ST6GALNAC2: variants seen among roughly 807,000 people sequenced by gnomAD.
The protein encoded by ST6GALNAC2 is ST6 N-acetylgalactosaminide alpha-2,6-sialyltransferase 2, also known as alpha-N-acetylgalactosaminide alpha-2,6-sialyltransferase 2.
A neutral mutation model predicts 38.7 loss-of-function variants in ST6GALNAC2; 42 were observed. The ratio of observed to expected loss-of-function variants is 1.09; its 90% CI spans 0.85 to 1.40. The LOEUF is 1.40. ST6GALNAC2 is among the 40% of genes most tolerant of loss of function. ST6GALNAC2 has a pLI of 0.00. For synonymous variants in ST6GALNAC2, 233 were observed against 209.0 expected, an observed-to-expected ratio of 1.11 and a Z score of -0.99; for missense variants, 506 against 481.7, an observed-to-expected ratio of 1.05 and a Z score of -0.47.
At chr17:76,578,161 C>T (rs4258648) in intron 2 of ST6GALNAC2, among the ~76,000 whole-genome samples, 107,202 of 151,984 alleles carry the variant, frequency 0.71, 39,191 homozygotes, top group East Asian at 0.84. Flanking sequence ...AGCCAGGTTC[C>T]AGACAAGAGG....
chr17:76,583,375 C>CAACAAAAAAAA (rs2075502661), intron 1 of ST6GALNAC2, among the ~76,000 whole-genome samples: 2 of 97,528 alleles, frequency 2.1e-5, no homozygotes, highest in Admixed American at 2.5e-4. Flanking sequence ...GACTCTGTCC[C>CAACAAAAAAAA]AAAAAAAAAA....
chr17:76,568,423 G>GACGGCGCCACTGCTGC, intron 7 of ST6GALNAC2: 4 of 472,836 alleles, frequency 8.5e-6, no homozygotes, highest in Admixed American at 3.5e-5. Context: ...CACTGCTGCT[G>GACGGCGCCACTGCTGC]TGCACCTTAT....
At chr17:76,574,277 T>C (rs1249091736) in intron 3 of ST6GALNAC2, 88 bp downstream of exon 3, 16 of 1,469,656 alleles carry the variant, frequency 1.1e-5, no homozygotes. Flanking sequence ...TCACCAGTGC[T>C]ATGAGGGCAG....
At position 76,572,708 on chromosome 17, in the gene ST6GALNAC2, T is replaced by A; in HGVS notation, c.598A>T (p.Thr200Ser). 6.2e-7 allele frequency: 1 copy of A among 1,614,138 alleles called. No individual in the cohort carries two copies. Among genetic ancestry groups the A allele is most frequent in the Admixed American group, 1.7e-5 (1 of 60,018 alleles). ...VGTKTSFYGF[T>S]VNTMKNSLVS... ...AGGGAGTTCTTCATCGTGTTCACAG[T>A]GAAACCATAGAAGGAAGTCTTGGTG... Residue 200 changes from threonine to serine, a missense_variant, in exon 5 of 9, where the codon ACT (threonine) becomes TCT (serine). By Grantham distance (58) the Thr-to-Ser change is moderately conservative. Coordinates refer to ENST00000225276, the MANE Select transcript of ST6GALNAC2 (RefSeq NM_006456.3).
rs2075538371 is a variant in ST6GALNAC2 at position 76,585,771 on chromosome 17, A to C, written c.38T>G (p.Leu13Arg). ...CCCCGAGCAGGCAGCCGTGAGCAGGAGCAGCAGCCAGAAGAACGACCCGCG... is the reference window on the plus strand; with the variant it reads ...CCCCGAGCAGGCAGCCGTGAGCAGGCGCAGCAGCCAGAAGAACGACCCGCG... ...LPRGSFFWLLLLLTAACSGLL... is the reference protein window; with the variant it reads ...LPRGSFFWLLRLLTAACSGLL... Residue 13 changes from leucine to arginine, a missense_variant, in exon 1 of 9, where the codon CTC (leucine) becomes CGC (arginine). Physicochemically the swap from Leu to Arg is moderately radical, Grantham distance 102. Transcript: ENST00000225276. The C allele has an allele frequency of 1.9e-6, 3 of 1,554,958 alleles. No homozygotes were observed. The highest frequency in any genetic ancestry group is 2.6e-6 in the Non-Finnish European group (3 of 1,152,486).
At chr17:76,578,200 C>A (rs1426081929) in intron 2 of ST6GALNAC2, among the ~76,000 whole-genome samples, 1 of 152,136 alleles carries the variant, frequency 6.6e-6, no homozygotes, top group Non-Finnish European at 1.5e-5. Flanking sequence ...CTCTTACTAC[C>A]TAAGCGGGGT....
intron 2 of ST6GALNAC2, among the ~76,000 whole-genome samples, chr17:76,578,523 G>A (rs2075442209): frequency 6.6e-6 from 1 of 152,246 alleles, no homozygotes; most frequent in East Asian, 1.9e-4. Flanking sequence ...CTGTTCAGCT[G>A]GCTACACCCC....
intron 1 of ST6GALNAC2, among the ~76,000 whole-genome samples, chr17:76,584,768 C>A (rs2075523901): frequency 6.6e-6 from 1 of 152,176 alleles, no homozygotes; most frequent in African/African-American, 2.4e-5. Context: ...TGTTTTCATC[C>A]CGTTAGCCCC....
intron 2 of ST6GALNAC2, among the ~76,000 whole-genome samples, chr17:76,575,123 C>T (rs2075401065): frequency 6.6e-6 from 1 of 152,140 alleles, no homozygotes; most frequent in Non-Finnish European, 1.5e-5. Context: ...CTTGAGCAAA[C>T]TCTGGGGCAT....
intron 1 of ST6GALNAC2, 54 bp downstream of exon 1, chr17:76,585,629 TC>T: frequency 6.8e-7 from 1 of 1,467,060 alleles, no homozygotes; most frequent in Non-Finnish European, 8.9e-7. Context: ...CTGGGGACCC[TC>T]CCCGCGCCCT....
chr17:76,574,585 G>T, intron 2 of ST6GALNAC2, 46 bp from the exon 3 acceptor site: 6 of 1,452,546 alleles, frequency 4.1e-6, no homozygotes, highest in East Asian at 2.4e-5. Context: ...GTAGGGGCTG[G>T]GGTGGGTGGG....
intron 6 of ST6GALNAC2, 100 bp downstream of exon 6, chr17:76,570,465 T>C: frequency 1.3e-6 from 1 of 753,132 alleles, no homozygotes. Context: ...TTCACCCACC[T>C]CCTCTTACCC....
intron 1 of ST6GALNAC2, among the ~76,000 whole-genome samples, chr17:76,581,812 C>T (rs960621159): frequency 3.9e-5 from 6 of 152,096 alleles, no homozygotes; most frequent in Non-Finnish European, 5.9e-5. Flanking sequence ...CCATGTGCTG[C>T]GTTTTTCAGA....
chr17:76,566,496 T>C (rs2075284756), intron 8 of ST6GALNAC2, among the ~76,000 whole-genome samples: 1 of 151,784 alleles, frequency 6.6e-6, no homozygotes, highest in Non-Finnish European at 1.5e-5. Flanking sequence ...AACTCAAGGG[T>C]GGAGGCAAAA....
Position 76,572,524 on chromosome 17 carries a change from C to A in ST6GALNAC2, c.669+113G>T, listed in dbSNP as rs547345273. On this transcript the variant is annotated intron_variant, in intron 5 of 8. Coordinates refer to ENST00000225276, the MANE Select transcript of ST6GALNAC2 (RefSeq NM_006456.3). ...TATCTTGCATCCAGAATCCTGGCACCCCCTCAGCATCCACTGGACCAGGGT... is the reference window on the plus strand; with the variant it reads ...TATCTTGCATCCAGAATCCTGGCACACCCTCAGCATCCACTGGACCAGGGT... 2.6e-4 allele frequency: 325 copies of A among 1,272,428 alleles called. No homozygotes were observed. In the African/African-American group the frequency reaches 4.4e-3, roughly 17 times the overall value. The allele number at this position is 1,272,428 out of a possible 1,614,324, so 78.8% of individuals were successfully genotyped here.
At chr17:76,581,216 C>T (rs1271750103) in intron 1 of ST6GALNAC2, among the ~76,000 whole-genome samples, 1 of 152,192 alleles carries the variant, frequency 6.6e-6, no homozygotes, top group African/African-American at 2.4e-5. Flanking sequence ...CCATCCCTCC[C>T]TTGCCCCTTG....
intron 5 of ST6GALNAC2, 76 bp from the exon 6 acceptor site, chr17:76,570,744 C>A: frequency 1.7e-6 from 2 of 1,148,104 alleles, no homozygotes; most frequent in South Asian, 2.6e-5. Flanking sequence ...GCCCTCCACC[C>A]AACCTTGCCC....
Position 76,566,139 on chromosome 17 carries a change from GCAGGT to G in ST6GALNAC2, c.1085_1089del (p.Asp362AlafsTer17). 6.2e-7 allele frequency: 1 copy of G among 1,614,110 alleles called. No individual in the cohort carries two copies. On this transcript the variant is annotated frameshift_variant, in exon 9 of 9. Transcript: ENST00000225276. LOFTEE classifies it high-confidence loss of function. ...TACAGCTGAAGGATGCCGGCCTTGT[GCAGGT>G]CCCTCCACAGGGCAGCTTCCAGGGA...
chr17:76,577,271 T>C (rs1193820682), intron 2 of ST6GALNAC2, among the ~76,000 whole-genome samples: 1 of 151,674 alleles, frequency 6.6e-6, no homozygotes, highest in Non-Finnish European at 1.5e-5. Flanking sequence ...TTTCACCATG[T>C]TGACCAGGCT....
Sources: allele counts gnomAD v4.1 joint callset (sites outside exome capture counted in the v4.1 genomes callset), GRCh38; gene constraint gnomAD v4.1.1; transcripts MANE v1.5; gene names NCBI Gene and HGNC (gene_info 2026-07-23, HGNC 2026-07-21).